The following EGFR variants were observed in gnomAD, a reference collection of about 807,000 sequenced individuals.
EGFR encodes the protein avian erythroblastic leukemia viral (v-erb-b) oncogene homolog.
EGFR carries 58 observed loss-of-function variants against 143.0 expected under a neutral mutation model. The observed-to-expected ratio is 0.41, with a 90% CI of 0.33 to 0.50. The LOEUF is 0.50. Among genes scored for constraint, EGFR ranks in the 20% least tolerant of loss-of-function variants. The pLI is 0.39. For missense variants in EGFR, 1,307 were observed against 1,579.0 expected (o/e 0.83, Z 2.92); for synonymous variants, 613 against 594.4 (o/e 1.03, Z -0.45).
At chr7:55,180,909 A>G (rs1046963481) in intron 19 of EGFR, 4 of 334,918 alleles carry the variant, frequency 1.2e-5, no homozygotes, top group Non-Finnish European at 1.7e-5. Context: ...ACAGGCCCTC[A>G]TGATATTTTA....
At chr7:55,123,937 A>C (rs1793367733) in intron 1 of EGFR, among the ~76,000 whole-genome samples, 2 of 152,084 alleles carry the variant, frequency 1.3e-5, no homozygotes, top group South Asian at 4.1e-4. Flanking sequence ...GTGTGTGGGC[A>C]TGTATTGTGT....
In EGFR at chr7:55,181,273, G is replaced by T. The variant is rs200438791; in HGVS notation, c.2284-20G>T. On this transcript the variant is annotated intron_variant, in intron 19 of 27. Transcript: ENST00000275493. ...GGCCACCATGCGAAGCCACACTGAC[G>T]TGCCTCTCCCTCCCTCCAGGAAGCC... is the stretch of plus-strand genomic sequence containing the variant. 3 of 1,613,690 alleles carry T rather than the reference G, an allele frequency of 1.9e-6. No homozygotes were observed. The Admixed American group carries it at 5.0e-5, about 27-fold the overall frequency.
intron 1 of EGFR, among the ~76,000 whole-genome samples, chr7:55,024,675 C>G (rs1786778710): frequency 6.6e-6 from 1 of 152,176 alleles, no homozygotes; most frequent in Non-Finnish European, 1.5e-5. Flanking sequence ...GTACCTGTTA[C>G]AACTTAGGCT....
At chr7:55,112,663 A>G (rs1322211403) in intron 1 of EGFR, among the ~76,000 whole-genome samples, 1 of 152,176 alleles carries the variant, frequency 6.6e-6, no homozygotes, top group African/African-American at 2.4e-5. Flanking sequence ...GGAGATCAGT[A>G]TGGGAATGCA....
intron 1 of EGFR, among the ~76,000 whole-genome samples, chr7:55,026,726 A>G (rs1394237620): frequency 1.3e-5 from 2 of 152,140 alleles, no homozygotes; most frequent in Non-Finnish European, 2.9e-5. Context: ...TCTCCCTCAA[A>G]CAGGAACATT....
At position 55,152,490 on chromosome 7, in the gene EGFR, G is replaced by A. The variant is rs987086326; in HGVS notation, c.629-56G>A. 3.3e-6 allele frequency: 5 copies of A among 1,512,694 alleles called. No individual in the cohort carries two copies. In the African/African-American group the frequency reaches 6.9e-5, roughly 21 times the overall value. The allele number at this position is 1,512,694 out of a possible 1,614,324, so 93.7% of individuals were successfully genotyped here. A position where few individuals can be genotyped will look rare whatever the true frequency, so the allele number is the denominator to read the frequency against. On this transcript the variant is annotated intron_variant, in intron 5 of 27. Coordinates refer to ENST00000275493, the MANE Select transcript of EGFR (RefSeq NM_005228.5). ...TCTGCAAGTGCTCTGCGACATCCCT[G>A]GGAAATGATCCTACCCTCACTCTTC...
chr7:55,168,616 T>A, intron 15 of EGFR: 1 of 1,590,652 alleles, frequency 6.3e-7, no homozygotes, highest in Non-Finnish European at 8.6e-7. Flanking sequence ...TCAAATAAAG[T>A]CCTGACACTA....
rs1288758270 is a variant in EGFR, at chr7:55,056,156, C to T, written c.88+36791C>T. On this transcript the variant is annotated intron_variant, in intron 1 of 27. Transcript: ENST00000275493. ...TGAGGGAAGATTGAATGAAAGGCCT[C>T]TTATGATTCTGCAGCAATTTTGGTG... Among the ~76,000 whole-genome samples, 3 of 152,100 alleles carry T rather than the reference C, an allele frequency of 2.0e-5. No individual in the cohort carries two copies. The East Asian group carries it at 5.8e-4, about 29-fold the overall frequency.
intron 1 of EGFR, among the ~76,000 whole-genome samples, chr7:55,022,307 C>G (rs73696639): frequency 6.6e-6 from 1 of 152,072 alleles, no homozygotes; most frequent in Non-Finnish European, 1.5e-5. Flanking sequence ...GAAATAAGCC[C>G]GCCCAGCCCC....
intron 1 of EGFR, among the ~76,000 whole-genome samples, chr7:55,115,075 G>A (rs529067722): frequency 1.6e-4 from 25 of 151,832 alleles, no homozygotes; most frequent in Non-Finnish European, 3.1e-4. Context: ...TAGAGACGGG[G>A]TTTCACCATG....
At chr7:55,197,009 T>C (rs1584264887) in intron 22 of EGFR, among the ~76,000 whole-genome samples, 1 of 152,180 alleles carries the variant, frequency 6.6e-6, no homozygotes, top group South Asian at 2.1e-4. Context: ...TTTGGTTCCA[T>C]GTGAATTTTT....
intron 1 of EGFR, among the ~76,000 whole-genome samples, chr7:55,111,980 G>T (rs1792522122): frequency 6.6e-6 from 1 of 152,186 alleles, no homozygotes; most frequent in Non-Finnish European, 1.5e-5. Flanking sequence ...TGCGTGATGG[G>T]CTTGGGGTCT....
At chr7:55,041,489 G>A (rs79115753) in intron 1 of EGFR, among the ~76,000 whole-genome samples, 5,755 of 152,086 alleles carry the variant, frequency 0.038, 201 homozygotes, top group South Asian at 0.13. Context: ...CATACACATC[G>A]TACCATGTAC....
chr7:55,071,172 G>A (rs1049049073), intron 1 of EGFR, among the ~76,000 whole-genome samples: 6 of 152,222 alleles, frequency 3.9e-5, no homozygotes, highest in African/African-American at 1.4e-4. Context: ...AAGGAATTTG[G>A]AGGGTTGGTG....
chr7:55,094,701 T>A (rs1224045282), intron 1 of EGFR, among the ~76,000 whole-genome samples: 1 of 152,214 alleles, frequency 6.6e-6, no homozygotes, highest in African/African-American at 2.4e-5. Flanking sequence ...CAGATCCACT[T>A]TGAGAGAAGT....
At chr7:55,117,197 A>T (rs1792909892) in intron 1 of EGFR, among the ~76,000 whole-genome samples, 1 of 152,264 alleles carries the variant, frequency 6.6e-6, no homozygotes, top group African/African-American at 2.4e-5. Context: ...ACTATTCAGC[A>T]AATTTGAAGG....
At chr7:55,030,625 A>G (rs1049990578) in intron 1 of EGFR, among the ~76,000 whole-genome samples, 10 of 152,234 alleles carry the variant, frequency 6.6e-5, no homozygotes, top group African/African-American at 2.4e-4. Flanking sequence ...AGCAATGCCT[A>G]TGGCAAGCTG....
intron 1 of EGFR, among the ~76,000 whole-genome samples, chr7:55,117,748 T>G (rs1278385064): frequency 1.3e-5 from 2 of 152,142 alleles, no homozygotes; most frequent in African/African-American, 4.8e-5. Context: ...GGTTTGCATA[T>G]GTGTATGTGA....
chr7:55,032,649 C>T (rs956301312), intron 1 of EGFR, among the ~76,000 whole-genome samples: 12 of 152,188 alleles, frequency 7.9e-5, no homozygotes, highest in South Asian at 4.1e-4. Flanking sequence ...CTGACTGTCT[C>T]ATGCTTTCTG....
Sources: allele counts gnomAD v4.1 joint callset (sites outside exome capture counted in the v4.1 genomes callset), GRCh38; gene constraint gnomAD v4.1.1; transcripts MANE v1.5; gene names NCBI Gene and HGNC (gene_info 2026-07-23, HGNC 2026-07-21).